The following ZBTB20 variants were observed in gnomAD, a reference collection of about 807,000 sequenced individuals.
ZBTB20 encodes the protein zinc finger and BTB domain-containing protein 20.
A neutral mutation model predicts 56.9 loss-of-function variants in ZBTB20; 9 were observed. The observed-to-expected ratio is 0.16, with a 90% CI of 0.10 to 0.28. ZBTB20 has a LOEUF of 0.28. Ranked by LOEUF, ZBTB20 falls within the 10% of genes least tolerant of loss-of-function variation. The probability of loss-of-function intolerance (pLI) is 1.00; values close to 1 mark genes in which losing one functional copy is unlikely to be tolerated. For missense variants in ZBTB20, 655 were observed against 1,003.0 expected, an observed-to-expected ratio of 0.65 and a Z score of 4.69; for synonymous variants, 417 against 420.7, an observed-to-expected ratio of 0.99 and a Z score of 0.11.
intron 6 of ZBTB20, among the ~76,000 whole-genome samples, chr3:114,504,820 G>A (rs2044406503): frequency 6.6e-6 from 1 of 152,122 alleles, no homozygotes; most frequent in Non-Finnish European, 1.5e-5. Context: ...AGAAAATACT[G>A]TTACTTCCAA....
chr3:114,858,250 G>A (rs1034956647), intron 4 of ZBTB20, among the ~76,000 whole-genome samples: 1 of 152,134 alleles, frequency 6.6e-6, no homozygotes, highest in Non-Finnish European at 1.5e-5. Context: ...AACGATTGCA[G>A]GGAACAAGCT....
intron 6 of ZBTB20, among the ~76,000 whole-genome samples, chr3:114,647,469 T>C (rs1306109185): frequency 6.6e-6 from 1 of 152,202 alleles, no homozygotes; most frequent in African/African-American, 2.4e-5. Context: ...CTTGGAGTTC[T>C]CAAAAGTCCA....
intron 5 of ZBTB20, among the ~76,000 whole-genome samples, chr3:114,769,663 G>T (rs890803912): frequency 3.3e-5 from 5 of 149,784 alleles, no homozygotes; most frequent in African/African-American, 1.2e-4. Flanking sequence ...GGATGAGATT[G>T]GAGACTATTA....
chr3:114,852,911 A>T (rs2075071763), intron 4 of ZBTB20, among the ~76,000 whole-genome samples: 1 of 152,068 alleles, frequency 6.6e-6, no homozygotes, highest in Non-Finnish European at 1.5e-5. Context: ...GACCGTGCAC[A>T]TTGTTCAAGA....
At chr3:114,670,996 G>C (rs1442106335) in intron 6 of ZBTB20, among the ~76,000 whole-genome samples, 2 of 152,058 alleles carry the variant, frequency 1.3e-5, no homozygotes, top group African/African-American at 4.8e-5. Context: ...GAAATACCAG[G>C]GTACATGCAG....
At chr3:115,001,120 TA>T (rs1423067828) in intron 2 of ZBTB20, among the ~76,000 whole-genome samples, 2 of 150,412 alleles carry the variant, frequency 1.3e-5, no homozygotes, top group African/African-American at 2.4e-5. Context: ...TCTCACAAGT[TA>T]AAAAAAGGAG....
At chr3:114,732,383 C>T (rs1274221) in intron 5 of ZBTB20, among the ~76,000 whole-genome samples, 151,844 of 152,254 alleles carry the variant, frequency 1, 75,720 homozygotes, top group East Asian at 1. Flanking sequence ...TAATCATGAA[C>T]GGTATGTTGG....
chr3:114,454,175 G>GGAGAGAGAGA (rs71146322), intron 7 of ZBTB20, among the ~76,000 whole-genome samples: 4,864 of 116,464 alleles, frequency 0.042, 173 homozygotes, highest in South Asian at 0.057. Flanking sequence ...AAAAGAGAAG[G>GGAGAGAGAGA]GAGAGAGAGA....
chr3:114,711,522 G>A (rs1174655625), intron 5 of ZBTB20, among the ~76,000 whole-genome samples: 2 of 152,164 alleles, frequency 1.3e-5, no homozygotes, highest in African/African-American at 4.8e-5. Context: ...ACATGCAATA[G>A]CTCACATGTC....
intron 6 of ZBTB20, among the ~76,000 whole-genome samples, chr3:114,685,037 A>G (rs1560125031): frequency 6.6e-6 from 1 of 151,882 alleles, no homozygotes; most frequent in Non-Finnish European, 1.5e-5. Flanking sequence ...TGCTCTTTCT[A>G]CCCCTTTTCC....
At chr3:114,617,953 C>G (rs113310251) in intron 6 of ZBTB20, among the ~76,000 whole-genome samples, 1 of 110,016 alleles carries the variant, frequency 9.1e-6, no homozygotes. Context: ...TGTATACACT[C>G]TTTCTCCTCT....
chr3:114,919,358 C>G (rs934032431), intron 3 of ZBTB20, among the ~76,000 whole-genome samples: 3 of 151,646 alleles, frequency 2.0e-5, no homozygotes, highest in Admixed American at 2.0e-4. Flanking sequence ...TGAATCAAAG[C>G]AAAAATTGAA....
At chr3:114,553,259 C>T (rs960644102) in intron 6 of ZBTB20, among the ~76,000 whole-genome samples, 1 of 152,184 alleles carries the variant, frequency 6.6e-6, no homozygotes, top group African/African-American at 2.4e-5. Flanking sequence ...TTAATCAATA[C>T]TTCATGAGCA....
chr3:115,068,915 C>A (rs940428056), intron 2 of ZBTB20, among the ~76,000 whole-genome samples: 2 of 151,810 alleles, frequency 1.3e-5, no homozygotes, highest in South Asian at 4.2e-4. Flanking sequence ...ATAGTGCATT[C>A]ATTCTTATGC....
At chr3:114,545,049 T>G (rs1236738950) in intron 6 of ZBTB20, among the ~76,000 whole-genome samples, 1 of 152,172 alleles carries the variant, frequency 6.6e-6, no homozygotes, top group Non-Finnish European at 1.5e-5. Flanking sequence ...ATATAAGAAT[T>G]CTGCTCACAC....
At position 114,322,167 on chromosome 3, in the gene ZBTB20, A is replaced by T. The variant is rs2078917108; in HGVS notation, c.*16838T>A. ...CATGCTGCCCTATGTTTCACCAGTGACCTTTGTTTGGTTCTAAATGATTTA... is the reference window on the plus strand; with the variant it reads ...CATGCTGCCCTATGTTTCACCAGTGTCCTTTGTTTGGTTCTAAATGATTTA... On this transcript the variant is annotated 3_prime_UTR_variant, in exon 12 of 12. Coordinates refer to ENST00000675478, the MANE Select transcript of ZBTB20 (RefSeq NM_001348800.3). The T allele has an allele frequency of 6.6e-6, 1 of 152,092 alleles. No individual in the cohort carries two copies. Among genetic ancestry groups the T allele is most frequent in the Non-Finnish European group, 1.5e-5 (1 of 68,058 alleles). 9.4% of individuals were successfully genotyped at this position (152,092 alleles called of 1,614,324 possible). A position where few individuals can be genotyped will look rare whatever the true frequency, so the allele number is the denominator to read the frequency against.
chr3:114,404,343 A>AT lies in ZBTB20; in HGVS notation c.-254-15239dup, dbSNP rs549945741. ...TTATTTCTATATTTATGTCTTGGCT[A>AT]TTTTTTCTCTTTCAACTTGTTTATG... is the stretch of plus-strand genomic sequence containing the variant. On this transcript the variant is annotated intron_variant, in intron 7 of 11. Transcript: ENST00000675478. 2.9e-3 allele frequency among the ~76,000 whole-genome samples: 446 copies of AT among 152,164 alleles called. 4 individuals are homozygous for AT. The highest frequency in any genetic ancestry group is 0.01 in the African/African-American group (416 of 41,526).
At position 115,118,703 on chromosome 3, in the gene ZBTB20, A is replaced by ATTTTTTTTTTTTTTT. The variant is rs35607205; in HGVS notation, c.-703+28501_-703+28515dup. On this transcript the variant is annotated intron_variant, in intron 1 of 11. Coordinates refer to ENST00000675478, the MANE Select transcript of ZBTB20 (RefSeq NM_001348800.3). Reference sequence around the variant, plus strand: ...GGACCTAAAACTTTACCTGGTACAAATTTTTTTTTTTTTTTTTTTTTTTTT... The same window carrying ATTTTTTTTTTTTTTT: ...GGACCTAAAACTTTACCTGGTACAAATTTTTTTTTTTTTTTTTTTTTTTTTTTTTTTTTTTTTTTT... 4.5e-4 allele frequency among the ~76,000 whole-genome samples: 37 copies of ATTTTTTTTTTTTTTT among 82,212 alleles called. 2 individuals carry two copies. The highest frequency in any genetic ancestry group is 1.1e-3 in the South Asian group (2 of 1,888). The allele number at this position is 82,212 out of a possible 152,430, so 53.9% of individuals were successfully genotyped here. A position where few individuals can be genotyped will look rare whatever the true frequency, so the allele number is the denominator to read the frequency against.
rs183564640 is a variant in ZBTB20 at position 115,103,644 on chromosome 3, C to T, written c.-702-32230G>A. 3.1e-3 allele frequency among the ~76,000 whole-genome samples: 474 copies of T among 152,246 alleles called. 1 individual carries two copies. The highest frequency in any genetic ancestry group is 0.011 in the African/African-American group (451 of 41,542). On this transcript the variant is annotated intron_variant, in intron 1 of 11. Coordinates refer to ENST00000675478, the MANE Select transcript of ZBTB20 (RefSeq NM_001348800.3). Reference sequence around the variant, plus strand: ...AAGTGGTGACGGAACGACTGGACGTCTACATGCAAAAAAATAAATCCAGAC... The same window carrying T: ...AAGTGGTGACGGAACGACTGGACGTTTACATGCAAAAAAATAAATCCAGAC...
Sources: allele counts gnomAD v4.1 joint callset (sites outside exome capture counted in the v4.1 genomes callset), GRCh38; gene constraint gnomAD v4.1.1; transcripts MANE v1.5; gene names NCBI Gene and HGNC (gene_info 2026-07-23, HGNC 2026-07-21).